Variants in SBNO2 observed in about 807,000 individuals in gnomAD.
SBNO2 encodes the protein strawberry notch homolog 2, also known as protein strawberry notch homolog 2.
SBNO2 carries 89 observed loss-of-function variants against 146.3 expected under a neutral mutation model. The ratio of observed to expected loss-of-function variants is 0.61; its 90% CI spans 0.51 to 0.73. SBNO2 has a LOEUF of 0.73. Ranked by LOEUF, SBNO2 falls within the 30% of genes least tolerant of loss-of-function variation. The pLI, the probability that SBNO2 is intolerant of heterozygous loss-of-function variation, is 0.00. For missense variants in SBNO2, 2,092 were observed against 2,003.7 expected (o/e 1.04, Z -0.84); for synonymous variants, 1,147 against 892.6 (o/e 1.29, Z -5.08).
intron 7 of SBNO2, 109 bp from the exon 8 acceptor site, chr19:1,123,154 G>GTT (rs1016777167): frequency 7.9e-7 from 1 of 1,272,834 alleles, no homozygotes; most frequent in African/African-American, 1.5e-5. Flanking sequence ...TGGCGGGGCA[G>GTT]TTTGGGGGCG....
rs1480209890 is a variant in SBNO2, at chr19:1,109,177, C to G, written c.3383G>C (p.Ser1128Thr). 5.1e-6 allele frequency: 8 copies of G among 1,560,900 alleles called. No homozygotes were observed. Among genetic ancestry groups the G allele is most frequent in the Non-Finnish European group, 6.9e-6 (8 of 1,153,520 alleles). The change falls in exon 30 of 32, where the codon AGT becomes ACT. Residue 1128 changes from serine (S) to threonine (T), a missense_variant. Transcript: ENST00000361757. This position sits in a 1 kb window ranked among gnomAD's most constrained non-coding sequence, Gnocchi z 4.2. Reference protein sequence around the residue: ...TAEEAKEPWESGYALSLTHCS... With the variant: ...TAEEAKEPWETGYALSLTHCS... The stretch of plus-strand genomic sequence containing the variant: ...GTGCGTCAGCGACAAAGCGTAGCCA[C>G]TCTCCCAGGGCTCCTTGGCCTCCTC...
At chr19:1,147,787 A>G (rs2080207730) in intron 3 of SBNO2, among the ~76,000 whole-genome samples, 1 of 152,008 alleles carries the variant, frequency 6.6e-6, no homozygotes, top group South Asian at 2.1e-4. Flanking sequence ...CCCCACACAC[A>G]GGCCCCTTGA....
chr19:1,163,836 G>T (rs186027785), intron 1 of SBNO2, among the ~76,000 whole-genome samples: 1 of 152,172 alleles, frequency 6.6e-6, no homozygotes, highest in South Asian at 2.1e-4. Flanking sequence ...GGTCCAGGGC[G>T]AGCAAGTTCT....
chr19:1,127,693 C>T lies in SBNO2; in HGVS notation c.352G>A (p.Val118Met), dbSNP rs371469058. ...GCCGGCAGGAAGTCGGGCGTGTCCACGATGTCCGACAGGGAGTCCACGGAC... is the reference window on the plus strand; with the variant it reads ...GCCGGCAGGAAGTCGGGCGTGTCCATGATGTCCGACAGGGAGTCCACGGAC... The part of the protein sequence containing the change: ...SSSVDSLSDI[V>M]DTPDFLPADS... Residue 118 changes from valine to methionine, a missense_variant, in exon 5 of 32, where the codon GTG (valine) becomes ATG (methionine). Val to Met is a conservative substitution (Grantham distance 21). Coordinates refer to ENST00000361757, the MANE Select transcript of SBNO2 (RefSeq NM_014963.3). 9.3e-6 allele frequency: 15 copies of T among 1,613,378 alleles called. No individual in the cohort carries two copies. The highest frequency in any genetic ancestry group is 3.3e-5 in the Admixed American group (2 of 59,992).
At position 1,127,633 on chromosome 19, in the gene SBNO2, C is replaced by T. The variant is rs374221500; in HGVS notation, c.412G>A (p.Asp138Asn). 55 of 1,613,158 alleles carry T rather than the reference C, an allele frequency of 3.4e-5. No homozygotes were observed. Among genetic ancestry groups the T allele is most frequent in the East Asian group, 2.0e-4 (9 of 44,892 alleles). ...SLNQVSTIWD[D>N]NPAPSTHDKL... ...TCGTGGGTGGAGGGGGCAGGGTTAT[C>T]GTCCCAGATGGTGGACACCTGGTTG... The change falls in exon 5 of 32, where the codon GAT (aspartate) becomes AAT (asparagine). Residue 138 changes from aspartate (D) to asparagine (N), a missense_variant. Physicochemically the swap from Asp to Asn is conservative, Grantham distance 23 (BLOSUM62 1). Coordinates refer to ENST00000361757, the MANE Select transcript of SBNO2 (RefSeq NM_014963.3).
In SBNO2 at chr19:1,116,868, TC is replaced by T; in HGVS notation, c.1762del (p.Glu588ArgfsTer20). The T allele has an allele frequency of 1.3e-6, 2 of 1,590,896 alleles. No individual in the cohort carries two copies. The highest frequency in any genetic ancestry group is 8.5e-7 in the Non-Finnish European group (1 of 1,171,252). ...GAAGCAGTTGAGGTGCCCATCGTTC[TC>T]CCCCAGCACCTCCCGCGTGCGCGCC... is the stretch of plus-strand genomic sequence containing the variant. Reference protein sequence around the residue: ...GEARTREVLGENDGHLNCFVS... With the variant: ...GEARTREVLGXNDGHLNCFVS... On this transcript the variant is annotated frameshift_variant, in exon 16 of 32. Transcript: ENST00000361757. LOFTEE classifies it high-confidence loss of function.
chr19:1,164,812 GAGC>G (rs1568644634), intron 1 of SBNO2, among the ~76,000 whole-genome samples: 3 of 290 alleles, frequency 0.01, no homozygotes, highest in African/African-American at 0.031. Flanking sequence ...GGAGGAGGAG[GAGC>G]AGGAGGAGGG....
chr19:1,147,432 T>TC lies in SBNO2; in HGVS notation c.168-13_168-12insG, dbSNP rs749057270. On this transcript the variant is annotated splice_polypyrimidine_tract_variant and intron_variant, in intron 3 of 31. Coordinates refer to ENST00000361757, the MANE Select transcript of SBNO2 (RefSeq NM_014963.3). Reference sequence around the variant, plus strand: ...AGCTCATGAACGGGCTGGAGGGAGATGGGGGGGGGGGAGGTGAGATGGGGT... The same window carrying TC: ...AGCTCATGAACGGGCTGGAGGGAGATCGGGGGGGGGGGAGGTGAGATGGGGT... 1.8e-5 allele frequency: 12 copies of TC among 662,186 alleles called. No individual in the cohort carries two copies. The African/African-American group carries it at 2.3e-4, about 13-fold the overall frequency. The allele number at this position is 662,186 out of a possible 1,614,324, so 41.0% of individuals were successfully genotyped here. A position where few individuals can be genotyped will look rare whatever the true frequency, so the allele number is the denominator to read the frequency against.
chr19:1,138,336 G>A (rs1172024058), intron 4 of SBNO2, among the ~76,000 whole-genome samples: 1 of 151,602 alleles, frequency 6.6e-6, no homozygotes, highest in Non-Finnish European at 1.5e-5. Flanking sequence ...TGGAGCAGGG[G>A]ACCCACGGGA....
chr19:1,170,796 C>T (rs1351491811), intron 1 of SBNO2, among the ~76,000 whole-genome samples: 1 of 152,102 alleles, frequency 6.6e-6, no homozygotes, highest in Non-Finnish European at 1.5e-5. Context: ...CGGGCACACA[C>T]AACATGCACA....
chr19:1,122,446 CT>C, intron 10 of SBNO2, 21 bp downstream of exon 10: 1 of 1,560,742 alleles, frequency 6.4e-7, no homozygotes, highest in Non-Finnish European at 8.7e-7. Flanking sequence ...TTGCCCCCTA[CT>C]TTGCCGAGCA....
intron 1 of SBNO2, among the ~76,000 whole-genome samples, chr19:1,155,836 C>A (rs1179578169): frequency 6.6e-6 from 1 of 152,190 alleles, no homozygotes; most frequent in Admixed American, 6.5e-5. Context: ...GGGTGGCCCA[C>A]CCCCTGCCTT....
Position 1,116,033 on chromosome 19 carries a change from T to A in SBNO2, c.1873A>T (p.Ser625Cys). 1 of 1,609,192 alleles carries A rather than the reference T, an allele frequency of 6.2e-7. No individual in the cohort carries two copies. Reference sequence around the variant, plus strand: ...GGGCAGGGCTTACGTTTCCGCTTGCTGCCCGCTCCTCTGTCCCGCTTTCTC... The same window carrying A: ...GGGCAGGGCTTACGTTTCCGCTTGCAGCCCGCTCCTCTGTCCCGCTTTCTC... ...TKRKRDRGAG[S>C]KRKRRPRGRG... The change falls in exon 17 of 32, where the codon AGC becomes TGC. Residue 625 changes from serine to cysteine, a missense_variant. By Grantham distance (112) the Ser-to-Cys change is moderately radical (BLOSUM62 -1). Coordinates refer to ENST00000361757, the MANE Select transcript of SBNO2 (RefSeq NM_014963.3).
rs1467692698 is a variant in SBNO2, at chr19:1,150,518, A to G, written c.94-1076T>C. Among the ~76,000 whole-genome samples, 3 of 151,140 alleles carry G rather than the reference A, an allele frequency of 2.0e-5. No individual in the cohort carries two copies. Among genetic ancestry groups the G allele is most frequent in the Admixed American group, 2.0e-4 (3 of 15,222 alleles). ...CACGGGGGAGACCCTGCCGTCACGG[A>G]CGCCCCCACGGTCACGGGGGAGACC... On this transcript the variant is annotated intron_variant, in intron 2 of 31. Coordinates refer to ENST00000361757, the MANE Select transcript of SBNO2 (RefSeq NM_014963.3). This position sits in a 1 kb window ranked among gnomAD's most constrained non-coding sequence, Gnocchi z 6.2.
chr19:1,123,544 C>T lies in SBNO2; in HGVS notation c.618G>A (p.Val206=), dbSNP rs369107851. The T allele has an allele frequency of 2.5e-6, 4 of 1,613,298 alleles. No individual in the cohort carries two copies. In the African/African-American group the frequency reaches 5.3e-5, roughly 22 times the overall value. ...AGCCGGGCCACTCACACTTGGACGGCACGTAGTCGGCGTAGGTCTCTGTGT... is the reference window on the plus strand; with the variant it reads ...AGCCGGGCCACTCACACTTGGACGGTACGTAGTCGGCGTAGGTCTCTGTGT... The part of the protein sequence containing the change: ...LGHTETYADY[V]PSKSKIGKQH... Residue 206 remains valine (V), a synonymous_variant, in exon 7 of 32, where the codon GTG becomes GTA. Transcript: ENST00000361757.
chr19:1,146,862 G>A (rs1216199434), intron 4 of SBNO2, among the ~76,000 whole-genome samples: 4 of 151,986 alleles, frequency 2.6e-5, no homozygotes, highest in African/African-American at 7.2e-5. Context: ...GCCTCCCCGC[G>A]ACCCTGGGGA....
chr19:1,147,046 T>C (rs1175710359), intron 4 of SBNO2, among the ~76,000 whole-genome samples: 14 of 151,976 alleles, frequency 9.2e-5, no homozygotes, highest in Admixed American at 8.5e-4. Context: ...ACTCCCTCTG[T>C]GGCATTGCCC....
intron 3 of SBNO2, 32 bp from the exon 4 acceptor site, chr19:1,147,452 T>C: frequency 3.3e-6 from 3 of 904,446 alleles, no homozygotes; most frequent in South Asian, 1.6e-5. Context: ...GGAGGTGAGA[T>C]GGGGTGCTCA....
At chr19:1,164,436 A>G (rs2080383551) in intron 1 of SBNO2, among the ~76,000 whole-genome samples, 1 of 103,442 alleles carries the variant, frequency 9.7e-6, no homozygotes, top group Non-Finnish European at 2.1e-5. Context: ...GAGGAGGAGG[A>G]GGAGGAGGAG....
Sources: allele counts gnomAD v4.1 joint callset (sites outside exome capture counted in the v4.1 genomes callset), GRCh38; gene constraint gnomAD v4.1.1; non-coding constraint Gnocchi (gnomAD v3.1); transcripts MANE v1.5; gene names NCBI Gene and HGNC (gene_info 2026-07-23, HGNC 2026-07-21).